Variants in STK4 observed in about 807,000 individuals in gnomAD.
STK4 encodes serine/threonine-protein kinase 4.
STK4 carries 30 observed loss-of-function variants against 64.9 expected under a neutral mutation model. The ratio of observed to expected loss-of-function variants is 0.46; its 90% CI spans 0.35 to 0.63. The LOEUF (loss-of-function observed/expected upper bound fraction) is 0.63, where lower values mean the gene tolerates loss of function less well. Among genes scored for constraint, STK4 ranks in the 20% least tolerant of loss-of-function variants. STK4 has a pLI of 0.01. For missense variants in STK4, 466 were observed against 598.5 expected (o/e 0.78, Z 2.31); for synonymous variants, 177 against 199.0 (o/e 0.89, Z 0.93).
At chr20:45,000,352 A>G (rs369160984) in intron 7 of STK4, 40 bp from the exon 8 acceptor site, 98 of 1,598,198 alleles carry the variant, frequency 6.1e-5, no homozygotes, top group African/African-American at 8.0e-5. Context: ...CACTGTCACC[A>G]TATAAACTGT....
chr20:45,058,804 A>G (rs1209088530), intron 10 of STK4, among the ~76,000 whole-genome samples: 1 of 152,204 alleles, frequency 6.6e-6, no homozygotes, highest in Non-Finnish European at 1.5e-5. Context: ...AAAGATTAAT[A>G]TTCCTACAAG....
intron 9 of STK4, among the ~76,000 whole-genome samples, chr20:45,016,334 AT>A (rs1289539032): frequency 1.3e-5 from 2 of 152,126 alleles, no homozygotes; most frequent in African/African-American, 4.8e-5. Context: ...TACCGACTGG[AT>A]TTTTTTTCCA....
At chr20:45,039,186 G>T (rs1251194984) in intron 10 of STK4, among the ~76,000 whole-genome samples, 1 of 152,022 alleles carries the variant, frequency 6.6e-6, no homozygotes, top group South Asian at 2.1e-4. Flanking sequence ...AAAATTCATT[G>T]ATGTTTTAAA....
At chr20:45,037,246 G>T (rs2068541659) in intron 10 of STK4, among the ~76,000 whole-genome samples, 1 of 152,138 alleles carries the variant, frequency 6.6e-6, no homozygotes, top group Non-Finnish European at 1.5e-5. Flanking sequence ...ACTAAGGAGT[G>T]TGGCATGGGT....
intron 5 of STK4, among the ~76,000 whole-genome samples, chr20:44,989,914 C>G (rs1039183062): frequency 6.6e-6 from 1 of 152,104 alleles, no homozygotes; most frequent in Non-Finnish European, 1.5e-5. Flanking sequence ...TCTGTCCTTG[C>G]ACCAGTTCTG....
chr20:45,012,053 T>C (rs1462309847), intron 9 of STK4, among the ~76,000 whole-genome samples: 4 of 151,744 alleles, frequency 2.6e-5, no homozygotes, highest in Admixed American at 2.6e-4. Context: ...TTTTTTTTTT[T>C]TGAGATGGAG....
intron 10 of STK4, among the ~76,000 whole-genome samples, chr20:45,036,867 T>G (rs1425541116): frequency 6.6e-6 from 1 of 152,188 alleles, no homozygotes; most frequent in Non-Finnish European, 1.5e-5. Flanking sequence ...GTTTTCAGAA[T>G]GTATCTCCTG....
chr20:44,978,474 A>G lies in STK4; in HGVS notation c.148A>G (p.Lys50Glu). Residue 50 changes from lysine (K) to glutamate (E), a missense_variant, in exon 3 of 11, where the codon AAA becomes GAA. Physicochemically the swap from Lys to Glu is moderately conservative, Grantham distance 56 (BLOSUM62 1). This residue lies in a region of STK4 where 190 missense variants were observed against 289.7 expected (regional missense o/e 0.66). Coordinates refer to ENST00000372806, the MANE Select transcript of STK4 (RefSeq NM_006282.5). ...TGGCAGCGTATACAAAGCTATTCAT[A>G]AAGAGACCGGCCAGATTGTTGCTAT... is the stretch of plus-strand genomic sequence containing the variant. ...SYGSVYKAIHKETGQIVAIKQ... is the reference protein window; with the variant it reads ...SYGSVYKAIHEETGQIVAIKQ... 6.2e-7 allele frequency: 1 copy of G among 1,614,120 alleles called. No homozygotes were observed. Among genetic ancestry groups the G allele is most frequent in the Non-Finnish European group, 8.5e-7 (1 of 1,180,012 alleles).
chr20:45,040,169 TTGTC>T (rs1394367001), intron 10 of STK4, among the ~76,000 whole-genome samples: 1 of 151,708 alleles, frequency 6.6e-6, no homozygotes, highest in Non-Finnish European at 1.5e-5. Flanking sequence ...GTGAAGGTCA[TTGTC>T]TGGATGCCAT....
intron 9 of STK4, among the ~76,000 whole-genome samples, chr20:45,019,142 T>C (rs1161254133): frequency 2.0e-5 from 3 of 152,196 alleles, no homozygotes; most frequent in Non-Finnish European, 2.9e-5. Flanking sequence ...TTAAGCACTA[T>C]TGAATTCAAG....
intron 10 of STK4, among the ~76,000 whole-genome samples, chr20:45,026,181 G>A (rs574269382): frequency 2.7e-5 from 4 of 147,094 alleles, no homozygotes; most frequent in African/African-American, 1.0e-4. Context: ...TAGGGATGTG[G>A]TCATTAACAG....
intron 9 of STK4, among the ~76,000 whole-genome samples, chr20:45,011,901 C>T (rs1260434347): frequency 6.6e-6 from 1 of 151,374 alleles, no homozygotes; most frequent in South Asian, 2.1e-4. Flanking sequence ...CTTGCTTCCT[C>T]CCTCTATCCA....
intron 10 of STK4, among the ~76,000 whole-genome samples, chr20:45,051,948 G>A (rs1423319889): frequency 1.3e-5 from 2 of 152,106 alleles, no homozygotes; most frequent in Non-Finnish European, 2.9e-5. Context: ...CTTTCATAGG[G>A]CTGTCGTGAG....
intron 10 of STK4, among the ~76,000 whole-genome samples, chr20:45,037,148 C>T (rs577006728): frequency 5.9e-5 from 9 of 152,072 alleles, no homozygotes; most frequent in African/African-American, 2.2e-4. Context: ...GCTGTAGGAG[C>T]CCAAAAGAGA....
intron 10 of STK4, among the ~76,000 whole-genome samples, chr20:45,054,554 CCTAT>C (rs1978321391): frequency 6.9e-6 from 1 of 145,316 alleles, no homozygotes; most frequent in Non-Finnish European, 1.5e-5. Context: ...AGTGGGACAC[CCTAT>C]CTTTTTTTTT....
chr20:45,060,916 C>A (rs1477200890), intron 10 of STK4, among the ~76,000 whole-genome samples: 2 of 152,220 alleles, frequency 1.3e-5, no homozygotes, highest in Non-Finnish European at 2.9e-5. Context: ...CTCACCCATA[C>A]TCCTCGATCC....
chr20:45,068,423 CTT>C (rs1979774045), intron 10 of STK4, among the ~76,000 whole-genome samples: 1 of 152,184 alleles, frequency 6.6e-6, no homozygotes, highest in Non-Finnish European at 1.5e-5. Flanking sequence ...GTAGTAGGCA[CTT>C]GGTGCCTACT....
At chr20:45,057,101 T>C (rs1425188734) in intron 10 of STK4, among the ~76,000 whole-genome samples, 4 of 152,202 alleles carry the variant, frequency 2.6e-5, no homozygotes, top group African/African-American at 4.8e-5. Flanking sequence ...TTAGTGGCCA[T>C]GTCAGCTGAG....
Position 45,077,787 on chromosome 20 carries a change from G to A in STK4, c.*2611G>A, listed in dbSNP as rs181602684. On this transcript the variant is annotated 3_prime_UTR_variant, in exon 11 of 11. Transcript: ENST00000372806. ...CTAGATCCAAATAAAAGAAAGTTCA[G>A]TTTTCCCCCATAACTATTCTTGGGT... 6.6e-6 allele frequency: 1 copy of A among 152,314 alleles called. No individual in the cohort carries two copies. The highest frequency in any genetic ancestry group is 6.5e-5 in the Admixed American group (1 of 15,300). 9.4% of individuals were successfully genotyped at this position (152,314 alleles called of 1,614,324 possible).
Sources: allele counts gnomAD v4.1 joint callset (sites outside exome capture counted in the v4.1 genomes callset), GRCh38; gene constraint gnomAD v4.1.1; regional missense constraint gnomAD v4.1.1; transcripts MANE v1.5; gene names NCBI Gene and HGNC (gene_info 2026-07-23, HGNC 2026-07-21).